Variants in PID1 observed in about 807,000 individuals in gnomAD.
PID1 encodes phosphotyrosine interaction domain containing 1, also known as PTB-containing, cubilin and LRP1-interacting protein.
A neutral mutation model predicts 19.1 loss-of-function variants in PID1; 10 were observed. The ratio of observed to expected loss-of-function variants is 0.52; its 90% CI spans 0.32 to 0.89. The LOEUF (loss-of-function observed/expected upper bound fraction) is 0.89, where lower values mean the gene tolerates loss of function less well. Ranked by LOEUF, PID1 falls within the 40% of genes least tolerant of loss-of-function variation. PID1 has a pLI of 0.03. For missense variants in PID1, 248 were observed against 285.3 expected (o/e 0.87, Z 0.94); for synonymous variants, 130 against 116.0 (o/e 1.12, Z -0.78).
At chr2:229,170,230 GAGAC>G (rs1690683925) in intron 1 of PID1, among the ~76,000 whole-genome samples, 1 of 152,170 alleles carries the variant, frequency 6.6e-6, no homozygotes, top group Non-Finnish European at 1.5e-5. Context: ...GTGTGTTTGA[GAGAC>G]AGAGAGAGAC....
intron 1 of PID1, among the ~76,000 whole-genome samples, chr2:229,213,891 A>C (rs1332797461): frequency 6.6e-6 from 1 of 152,236 alleles, no homozygotes; most frequent in South Asian, 2.1e-4. Flanking sequence ...AACTCTACAT[A>C]ATCTTTAACT....
At chr2:229,106,925 A>G (rs574609751) in intron 2 of PID1, among the ~76,000 whole-genome samples, 1 of 152,292 alleles carries the variant, frequency 6.6e-6, no homozygotes, top group East Asian at 1.9e-4. Flanking sequence ...ATTTGGAAAC[A>G]GGGTCTTTGC....
intron 1 of PID1, among the ~76,000 whole-genome samples, chr2:229,216,894 A>T (rs913989498): frequency 3.3e-5 from 5 of 151,906 alleles, no homozygotes; most frequent in Admixed American, 1.3e-4. Flanking sequence ...TATTTTTTTA[A>T]AAAAAAGCAA....
At chr2:229,162,237 T>G (rs1690505683) in intron 1 of PID1, among the ~76,000 whole-genome samples, 1 of 152,240 alleles carries the variant, frequency 6.6e-6, no homozygotes, top group Non-Finnish European at 1.5e-5. Flanking sequence ...GTAATCGCCA[T>G]GCCCTGTATA....
intron 1 of PID1, chr2:229,231,823 A>G (rs1692215046): frequency 7.2e-6 from 11 of 1,518,726 alleles, no homozygotes; most frequent in Non-Finnish European, 8.0e-6. Context: ...CCTACTTCCC[A>G]CTCCTCTTCT....
At chr2:229,199,722 A>ATT (rs1691453857) in intron 1 of PID1, among the ~76,000 whole-genome samples, 2 of 99,096 alleles carry the variant, frequency 2.0e-5, no homozygotes, top group Non-Finnish European at 3.9e-5. Context: ...TATCTAATTT[A>ATT]TATATATATA....
intron 2 of PID1, among the ~76,000 whole-genome samples, chr2:229,094,515 C>T (rs1184324017): frequency 6.6e-6 from 1 of 152,032 alleles, no homozygotes; most frequent in Non-Finnish European, 1.5e-5. Flanking sequence ...AATCTAGGGG[C>T]ATCACATTGC....
intron 2 of PID1, among the ~76,000 whole-genome samples, chr2:229,092,143 T>C (rs999546421): frequency 1.8e-5 from 2 of 112,816 alleles, no homozygotes; most frequent in Non-Finnish European, 3.4e-5. Context: ...AGGTGTTTCC[T>C]ACTTGTCTTG....
intron 2 of PID1, among the ~76,000 whole-genome samples, chr2:229,054,372 G>GCTGA (rs1268685353): frequency 1.3e-5 from 2 of 152,154 alleles, no homozygotes; most frequent in African/African-American, 4.8e-5. Flanking sequence ...GGCATGTGAT[G>GCTGA]CTGACAATGG....
At chr2:229,077,891 AT>A (rs1297592471) in intron 2 of PID1, among the ~76,000 whole-genome samples, 2 of 152,182 alleles carry the variant, frequency 1.3e-5, no homozygotes, top group African/African-American at 4.8e-5. Context: ...TCCATGTGAA[AT>A]TTAAAATAGT....
intron 2 of PID1, among the ~76,000 whole-genome samples, chr2:229,067,998 TAAC>T (rs1694366375): frequency 6.6e-6 from 1 of 152,228 alleles, no homozygotes; most frequent in Non-Finnish European, 1.5e-5. Context: ...TGTACTCATG[TAAC>T]TTCCAGGGCT....
chr2:229,107,119 T>C (rs1695193063), intron 2 of PID1, among the ~76,000 whole-genome samples: 1 of 151,972 alleles, frequency 6.6e-6, no homozygotes, highest in Non-Finnish European at 1.5e-5. Context: ...ACCCAAGAAA[T>C]GCCAGAAGCC....
At chr2:229,186,985 C>T (rs981142136) in intron 1 of PID1, among the ~76,000 whole-genome samples, 1 of 152,128 alleles carries the variant, frequency 6.6e-6, no homozygotes, top group Non-Finnish European at 1.5e-5. Context: ...GTTCAAAGTT[C>T]CACAAATCTC....
intron 2 of PID1, among the ~76,000 whole-genome samples, chr2:229,054,011 T>G (rs1694046156): frequency 2.0e-5 from 3 of 152,178 alleles, no homozygotes; most frequent in Admixed American, 2.0e-4. Context: ...ATGGATGGTA[T>G]CCAAAGACTG....
intron 2 of PID1, among the ~76,000 whole-genome samples, chr2:229,115,656 A>G (rs1695396062): frequency 6.6e-6 from 1 of 152,142 alleles, no homozygotes; most frequent in South Asian, 2.1e-4. Flanking sequence ...CATATTGAAG[A>G]CTCAAAAAAG....
At chr2:229,059,009 A>C (rs529338221) in intron 2 of PID1, among the ~76,000 whole-genome samples, 2 of 152,208 alleles carry the variant, frequency 1.3e-5, no homozygotes, top group Non-Finnish European at 2.9e-5. Context: ...AAATTTTGTA[A>C]ATATAAATTT....
chr2:229,210,056 C>A (rs910505078), intron 1 of PID1, among the ~76,000 whole-genome samples: 1 of 151,886 alleles, frequency 6.6e-6, no homozygotes, highest in Non-Finnish European at 1.5e-5. Flanking sequence ...AAGCCCGCTT[C>A]CCTAAATTTT....
chr2:229,241,211 T>C (rs1452636610), intron 1 of PID1, among the ~76,000 whole-genome samples: 1 of 152,154 alleles, frequency 6.6e-6, no homozygotes, highest in African/African-American at 2.4e-5. Flanking sequence ...TTGACTCCTT[T>C]TTCTCTTGTT....
chr2:229,257,238 T>G (rs1293368687), intron 1 of PID1, among the ~76,000 whole-genome samples: 1 of 152,204 alleles, frequency 6.6e-6, no homozygotes, highest in Non-Finnish European at 1.5e-5. Flanking sequence ...AGTAATAATG[T>G]ATTAGTATCC....
Sources: gnomAD v4.1 joint callset for allele counts (sites outside exome capture counted in the v4.1 genomes callset) on GRCh38, gnomAD v4.1.1 for gene constraint, MANE v1.5 for transcripts, NCBI Gene and HGNC (gene_info 2026-07-23, HGNC 2026-07-21) for gene names.